PCSK5: variants seen among roughly 807,000 people sequenced by gnomAD.
PCSK5 encodes the protein proprotein convertase subtilisin/kexin type 5.
Under a neutral mutation model 233.2 loss-of-function variants are expected in PCSK5, and 129 were observed. The observed-to-expected ratio is 0.55, with a 90% CI of 0.48 to 0.64. The LOEUF (loss-of-function observed/expected upper bound fraction) is 0.64, where lower values mean the gene tolerates loss of function less well. Among genes scored for constraint, PCSK5 ranks in the 30% least tolerant of loss-of-function variants. The probability of loss-of-function intolerance (pLI) is 0.00; values close to 1 mark genes in which losing one functional copy is unlikely to be tolerated. For synonymous variants in PCSK5, 825 were observed against 879.2 expected (o/e 0.94, Z 1.09); for missense variants, 2,076 against 2,430.1 (o/e 0.85, Z 3.06).
At chr9:76,235,544 A>G (rs1490921010) in intron 22 of PCSK5, among the ~76,000 whole-genome samples, 1 of 152,066 alleles carries the variant, frequency 6.6e-6, no homozygotes, top group Non-Finnish European at 1.5e-5. Context: ...CATCCCTTCT[A>G]TTTACAAGTT....
intron 20 of PCSK5, among the ~76,000 whole-genome samples, chr9:76,216,608 C>T (rs899803811): frequency 6.6e-6 from 1 of 151,992 alleles, no homozygotes; most frequent in Non-Finnish European, 1.5e-5. Flanking sequence ...AAGATGCCCA[C>T]AATTTTTTAG....
intron 24 of PCSK5, among the ~76,000 whole-genome samples, chr9:76,251,283 G>A (rs1457597724): frequency 6.6e-6 from 1 of 150,834 alleles, no homozygotes; most frequent in South Asian, 2.1e-4. Context: ...AAGAAAGAAG[G>A]CCAGGCGCGG....
intron 2 of PCSK5, among the ~76,000 whole-genome samples, chr9:75,963,791 A>G (rs547507244): frequency 1.6e-4 from 24 of 152,236 alleles, no homozygotes; most frequent in Admixed American, 2.6e-4. Context: ...GGGCAGGAGA[A>G]TTGCTTGAAC....
At chr9:76,009,101 G>A (rs1827607178) in intron 3 of PCSK5, among the ~76,000 whole-genome samples, 1 of 152,096 alleles carries the variant, frequency 6.6e-6, no homozygotes, top group Non-Finnish European at 1.5e-5. Flanking sequence ...CATAGTCCGT[G>A]TGGTACCTAG....
chr9:76,107,179 A>G (rs1832012412), intron 8 of PCSK5, 72 bp from the exon 9 acceptor site: 1 of 813,010 alleles, frequency 1.2e-6, no homozygotes, highest in African/African-American at 1.7e-5. Context: ...TATTTTTATG[A>G]GTATATTTCT....
chr9:76,231,961 C>CG (rs2131316944), intron 21 of PCSK5, among the ~76,000 whole-genome samples: 2 of 149,860 alleles, frequency 1.3e-5, no homozygotes, highest in East Asian at 3.9e-4. Context: ...AGGTTGTCGG[C>CG]TTGAATCCCA....
At chr9:76,192,526 A>C (rs764058649) in intron 20 of PCSK5, among the ~76,000 whole-genome samples, 16 of 152,218 alleles carry the variant, frequency 1.1e-4, no homozygotes, top group Non-Finnish European at 1.5e-4. Flanking sequence ...ATGTGATATC[A>C]GTGTTACTGC....
intron 5 of PCSK5, among the ~76,000 whole-genome samples, chr9:76,037,191 A>G (rs1299046330): frequency 1.3e-5 from 2 of 152,054 alleles, no homozygotes; most frequent in African/African-American, 4.8e-5. Flanking sequence ...GCTTGCAGAG[A>G]CTCCAAAGCA....
At chr9:75,910,059 T>C (rs1165811448) in intron 1 of PCSK5, among the ~76,000 whole-genome samples, 1 of 152,216 alleles carries the variant, frequency 6.6e-6, no homozygotes, top group Non-Finnish European at 1.5e-5. Flanking sequence ...CAGTGCACGA[T>C]AGATATATAA....
At chr9:76,153,559 C>T (rs957081018) in intron 10 of PCSK5, among the ~76,000 whole-genome samples, 2 of 152,170 alleles carry the variant, frequency 1.3e-5, no homozygotes, top group Admixed American at 1.3e-4. Flanking sequence ...GAGAAATGTG[C>T]ATAAATAAGA....
At chr9:75,922,467 A>C (rs569296760) in intron 1 of PCSK5, among the ~76,000 whole-genome samples, 1 of 152,150 alleles carries the variant, frequency 6.6e-6, no homozygotes, top group South Asian at 2.1e-4. Context: ...AGCTTGTTAC[A>C]TGAGAAAAAA....
intron 24 of PCSK5, among the ~76,000 whole-genome samples, chr9:76,277,001 G>A (rs538378032): frequency 2.6e-4 from 40 of 152,256 alleles, no homozygotes; most frequent in African/African-American, 9.6e-4. Flanking sequence ...GCCAAGGCGG[G>A]TGGATCACCT....
At chr9:76,238,226 T>C (rs1826311843) in intron 22 of PCSK5, among the ~76,000 whole-genome samples, 1 of 152,236 alleles carries the variant, frequency 6.6e-6, no homozygotes, top group South Asian at 2.1e-4. Context: ...CCTAACGGAT[T>C]AGAATCCTTT....
rs111333487 is a variant in PCSK5, at chr9:75,974,289, A to G, written c.298-11843A>G. On this transcript the variant is annotated intron_variant, in intron 2 of 37. Coordinates refer to ENST00000674117, the MANE Select transcript of PCSK5 (RefSeq NM_001372043.1). The stretch of plus-strand genomic sequence containing the variant: ...GGAGCTCCAGCCGGTGCACTCATTC[A>G]TCAGGCCTTCTTCCAGATTTTTATG... Among the ~76,000 whole-genome samples, 402 of 152,248 alleles carry G rather than the reference A, an allele frequency of 2.6e-3. 1 individual carries two copies. The highest frequency in any genetic ancestry group is 0.01 in the Middle Eastern group (3 of 294).
intron 30 of PCSK5, among the ~76,000 whole-genome samples, chr9:76,313,181 G>C (rs1159827878): frequency 1.3e-5 from 2 of 152,162 alleles, no homozygotes; most frequent in Non-Finnish European, 2.9e-5. Context: ...GCCAGAATTT[G>C]AACCCAAACC....
chr9:76,295,204 G>T, intron 25 of PCSK5, 71 bp from the exon 26 acceptor site: 1 of 1,353,606 alleles, frequency 7.4e-7, no homozygotes, highest in East Asian at 2.4e-5. Flanking sequence ...ACATACATAA[G>T]GAGATTAAAT....
intron 24 of PCSK5, among the ~76,000 whole-genome samples, chr9:76,262,994 A>G (rs1827226570): frequency 6.6e-6 from 1 of 152,190 alleles, no homozygotes; most frequent in Admixed American, 6.5e-5. Context: ...TCTCAAAAGA[A>G]GACATTTATG....
chr9:76,289,231 G>C (rs188392631), intron 24 of PCSK5, among the ~76,000 whole-genome samples: 2 of 152,044 alleles, frequency 1.3e-5, no homozygotes, highest in African/African-American at 2.4e-5. Context: ...GTTCTCCTTA[G>C]GAAAGATATG....
intron 24 of PCSK5, among the ~76,000 whole-genome samples, chr9:76,286,335 T>C (rs951510816): frequency 2.0e-5 from 3 of 152,302 alleles, no homozygotes; most frequent in Middle Eastern, 6.8e-3. Context: ...TTTGAATATG[T>C]GTAGAAAAGC....
Sources: allele counts gnomAD v4.1 joint callset (sites outside exome capture counted in the v4.1 genomes callset), GRCh38; gene constraint gnomAD v4.1.1; transcripts MANE v1.5; gene names NCBI Gene and HGNC (gene_info 2026-07-23, HGNC 2026-07-21).